The following MDC1 variants were observed in gnomAD, a reference collection of about 807,000 sequenced individuals.
MDC1 encodes the protein mediator of DNA damage checkpoint 1, also known as mediator of DNA damage checkpoint protein 1.
In MDC1, 81 loss-of-function variants were observed where a neutral mutation model predicts 142.5. The observed-to-expected ratio is 0.57, with a 90% CI of 0.47 to 0.68. The LOEUF (loss-of-function observed/expected upper bound fraction) is 0.68, where lower values mean the gene tolerates loss of function less well. MDC1 is among the 30% of genes least tolerant of loss of function. The pLI is 0.00. For synonymous variants in MDC1, 797 were observed against 968.4 expected (o/e 0.82, Z 3.29); for missense variants, 2,119 against 2,547.9 (o/e 0.83, Z 3.62).
rs1775091542 is a variant in MDC1, at chr6:30,712,689, T to C, written c.1253A>G (p.His418Arg). 6.2e-7 allele frequency: 1 copy of C among 1,612,964 alleles called. No individual in the cohort carries two copies. The highest frequency in any genetic ancestry group is 1.7e-5 in the Admixed American group (1 of 60,008). ...EEVSAALTLA[H>R]LKESQPAIWN... Reference sequence around the variant, plus strand: ...TATAGCAGGCTGGCTCTCTTTCAGATGTGCCAAAGTCAGCGCTGCTGAGAC... The same window carrying C: ...TATAGCAGGCTGGCTCTCTTTCAGACGTGCCAAAGTCAGCGCTGCTGAGAC... The change falls in exon 5 of 15, where the codon CAT becomes CGT. Residue 418 changes from histidine to arginine, a missense_variant. By Grantham distance (29) the His-to-Arg change is conservative (BLOSUM62 0). Transcript: ENST00000376406. The surrounding 1 kb of genome is among the most constrained non-coding windows in gnomAD (Gnocchi z 4.7).
At chr6:30,711,585 C>G in intron 6 of MDC1, 81 bp from the exon 7 acceptor site, 2 of 1,601,000 alleles carry the variant, frequency 1.2e-6, no homozygotes, top group Admixed American at 1.7e-5. Context: ...CCTACCCATA[C>G]TAGCCTTTAC....
chr6:30,708,404 G>C, intron 7 of MDC1, 47 bp from the exon 8 acceptor site: 2 of 1,495,886 alleles, frequency 1.3e-6, no homozygotes, highest in Middle Eastern at 1.7e-4. Flanking sequence ...GGAGAGAAAA[G>C]AGGGAGAGGA....
chr6:30,707,024 C>T (rs545835177), intron 9 of MDC1, among the ~76,000 whole-genome samples: 3 of 152,278 alleles, frequency 2.0e-5, no homozygotes, highest in Non-Finnish European at 4.4e-5. Context: ...TCTATGATCT[C>T]TCCTCCATTA....
At position 30,705,553 on chromosome 6, in the gene MDC1, C is replaced by T; in HGVS notation, c.3630G>A (p.Gln1210=). The change falls in exon 10 of 15, where the codon CAG becomes CAA. Residue 1210 remains glutamine (Q), a synonymous_variant. Coordinates refer to ENST00000376406, the MANE Select transcript of MDC1 (RefSeq NM_014641.3). ...ETVVPTALEL[Q]PSTSTDRPVT... is the part of the protein sequence containing the mutation. ...CAGGTCGGTCGGTGGAGGTGGAAGG[C>T]TGGAGCTCAAGGGCTGTGGGCACAA... 1 of 1,605,926 alleles carries T rather than the reference C, an allele frequency of 6.2e-7. No individual in the cohort carries two copies. The highest frequency in any genetic ancestry group is 8.5e-7 in the Non-Finnish European group (1 of 1,176,540).
chr6:30,710,407 G>GT (rs1330493005), intron 7 of MDC1, among the ~76,000 whole-genome samples: 2 of 148,750 alleles, frequency 1.3e-5, no homozygotes, highest in Non-Finnish European at 3.0e-5. Context: ...CTTTTCTTTC[G>GT]TTTTTTTGAG....
chr6:30,707,054 A>G (rs1165545539), intron 9 of MDC1, among the ~76,000 whole-genome samples: 1 of 152,186 alleles, frequency 6.6e-6, no homozygotes, highest in Non-Finnish European at 1.5e-5. Flanking sequence ...CTACCTGGGA[A>G]GCTACCTTTT....
In MDC1 at chr6:30,712,867, T is replaced by C. The variant is rs1339488931; in HGVS notation, c.1075A>G (p.Arg359Gly). 6 of 1,612,956 alleles carry C rather than the reference T, an allele frequency of 3.7e-6. No homozygotes were observed. The highest frequency in any genetic ancestry group is 2.2e-5 in the South Asian group (2 of 91,086). Residue 359 changes from arginine to glycine, a missense_variant, in exon 5 of 15, where the codon AGG (arginine) becomes GGG (glycine). Coordinates refer to ENST00000376406, the MANE Select transcript of MDC1 (RefSeq NM_014641.3). The surrounding 1 kb of genome is among the most constrained non-coding windows in gnomAD (Gnocchi z 4.7). ...KRKIFHGVGT[R>G]GPGAPGLAHL... ...GCCAGGCCTGGTGCTCCAGGACCCC[T>C]TGTACCTACTCCATGGAAGATCTTC...
rs1562106337 is a variant in MDC1 at position 30,707,802 on chromosome 6, C to T, written c.2777G>A (p.Arg926Lys). 1.2e-6 allele frequency: 2 copies of T among 1,613,124 alleles called. No individual in the cohort carries two copies. The highest frequency in any genetic ancestry group is 1.7e-6 in the Non-Finnish European group (2 of 1,180,042). ...TTCTAACTCGGCTGGATCGCACTCT[C>T]TGTTTGCTACTGGTCTCTCTACTTC... ...EREVERPVAN[R>K]ECDPAELEEK... The change falls in exon 8 of 15, where the codon AGA becomes AAA. Residue 926 changes from arginine (R) to lysine (K), a missense_variant. Physicochemically the swap from Arg to Lys is conservative, Grantham distance 26. Transcript: ENST00000376406.
rs776240801 is a variant in MDC1 at position 30,704,199 on chromosome 6, G to T, written c.4984C>A (p.Pro1662Thr). The T allele has an allele frequency of 3.1e-6, 5 of 1,613,714 alleles. No individual in the cohort carries two copies. The highest frequency in any genetic ancestry group is 4.2e-6 in the Non-Finnish European group (5 of 1,179,812). The change falls in exon 10 of 15, where the codon CCT becomes ACT. Residue 1662 changes from proline (P) to threonine (T), a missense_variant. Physicochemically the swap from Pro to Thr is conservative, Grantham distance 38. Transcript: ENST00000376406. ...PVEPAASDLEPFTPTDQSVTP... is the reference protein window; with the variant it reads ...PVEPAASDLETFTPTDQSVTP... ...ACGGACTGGTCTGTGGGGGTAAAAG[G>T]CTCAAGATCAGAGGCTGCTGGTTCA...
chr6:30,705,528 C>T lies in MDC1; in HGVS notation c.3655G>A (p.Val1219Ile). 6.2e-7 allele frequency: 1 copy of T among 1,606,640 alleles called. No homozygotes were observed. The highest frequency in any genetic ancestry group is 1.1e-5 in the South Asian group (1 of 89,610). The change falls in exon 10 of 15, where the codon GTC (valine) becomes ATC (isoleucine). Residue 1219 changes from valine to isoleucine, a missense_variant. Val to Ile is a conservative substitution (Grantham distance 29, BLOSUM62 3). Coordinates refer to ENST00000376406, the MANE Select transcript of MDC1 (RefSeq NM_014641.3). ...LQPSTSTDRP[V>I]TSEPTSQATR... ...GCCTGAGAGGTGGGTTCAGAGGTGA[C>T]AGGTCGGTCGGTGGAGGTGGAAGGC...
Position 30,702,574 on chromosome 6 carries a change from G to T in MDC1, c.6081C>A (p.Pro2027=). ...IISCCGGTYL[P]SMPRSYKPQR... is the part of the protein sequence containing the mutation. Reference sequence around the variant, plus strand: ...ATACCTTATAGGACCGAGGCATGCTGGGTAGGTATGTGCCTCCACAGCAGC... The same window carrying T: ...ATACCTTATAGGACCGAGGCATGCTTGGTAGGTATGTGCCTCCACAGCAGC... Residue 2027 remains proline, a synonymous_variant, in exon 14 of 15, where the codon CCC becomes CCA. Transcript: ENST00000376406. 1 of 1,603,636 alleles carries T rather than the reference G, an allele frequency of 6.2e-7. No individual in the cohort carries two copies. Among genetic ancestry groups the T allele is most frequent in the Non-Finnish European group, 8.5e-7 (1 of 1,175,740 alleles).
In MDC1 at chr6:30,700,533, C is replaced by T; in HGVS notation, c.6202G>A (p.Gly2068Arg). The T allele has an allele frequency of 3.1e-6, 5 of 1,612,946 alleles. No individual in the cohort carries two copies. Among genetic ancestry groups the T allele is most frequent in the Non-Finnish European group, 4.2e-6 (5 of 1,180,004 alleles). ...PLLSPEFLLTGVLKQEAKPEA... is the reference protein window; with the variant it reads ...PLLSPEFLLTRVLKQEAKPEA... ...GGCTTGGCTTCCTGCTTCAGCACTC[C>T]AGTCAGCAGGAACTCAGGCGAGAGG... The change falls in exon 15 of 15, where the codon GGA (glycine) becomes AGA (arginine). Residue 2068 changes from glycine (G) to arginine (R), a missense_variant. Physicochemically the swap from Gly to Arg is moderately radical, Grantham distance 125. Coordinates refer to ENST00000376406, the MANE Select transcript of MDC1 (RefSeq NM_014641.3).
rs760943919 is a variant in MDC1 at position 30,700,436 on chromosome 6, G to T, written c.*29C>A. 4.4e-6 allele frequency: 7 copies of T among 1,595,068 alleles called. No homozygotes were observed. Among genetic ancestry groups the T allele is most frequent in the Non-Finnish European group, 6.0e-6 (7 of 1,166,244 alleles). Reference sequence around the variant, plus strand: ...TCTTCCACATATCTTCTAATTCGTGGTCTGGGAGGGAAAAGGGTAGTGGAG... The same window carrying T: ...TCTTCCACATATCTTCTAATTCGTGTTCTGGGAGGGAAAAGGGTAGTGGAG... On this transcript the variant is annotated 3_prime_UTR_variant, in exon 15 of 15. Transcript: ENST00000376406.
rs1279733392 is a variant in MDC1, at chr6:30,707,986, A to C, written c.2593T>G (p.Leu865Val). ...TCTTGTCTCTGGGTGTCTCTAGCTA[A>C]CAACTGTTTTTGTTCTCTGTCCTGT... is the stretch of plus-strand genomic sequence containing the variant. ...GKQDREQKQLLARDTQRQESD... is the reference protein window; with the variant it reads ...GKQDREQKQLVARDTQRQESD... Residue 865 changes from leucine to valine, a missense_variant, in exon 8 of 15, where the codon TTA becomes GTA. Coordinates refer to ENST00000376406, the MANE Select transcript of MDC1 (RefSeq NM_014641.3). 1.9e-6 allele frequency: 3 copies of C among 1,612,986 alleles called. No individual in the cohort carries two copies. The highest frequency in any genetic ancestry group is 2.5e-6 in the Non-Finnish European group (3 of 1,180,024).
chr6:30,707,419 C>T lies in MDC1; in HGVS notation c.3049G>A (p.Ala1017Thr), dbSNP rs551577509. The T allele has an allele frequency of 9.9e-6, 16 of 1,613,098 alleles. No homozygotes were observed. Among genetic ancestry groups the T allele is most frequent in the Admixed American group, 1.7e-5 (1 of 60,030 alleles). ...TTCTCAGCAGCTCTGATCCTGGAAGCCTTCTCAGCAGGTGGCATCTTGCAA... is the reference window on the plus strand; with the variant it reads ...TTCTCAGCAGCTCTGATCCTGGAAGTCTTCTCAGCAGGTGGCATCTTGCAA... Reference protein sequence around the residue: ...LNCKMPPAEKASRIRAAEKVS... With the variant: ...LNCKMPPAEKTSRIRAAEKVS... The change falls in exon 9 of 15, where the codon GCT becomes ACT. Residue 1017 changes from alanine to threonine, a missense_variant. Ala to Thr is a moderately conservative substitution (Grantham distance 58). Coordinates refer to ENST00000376406, the MANE Select transcript of MDC1 (RefSeq NM_014641.3).
At position 30,714,901 on chromosome 6, in the gene MDC1, C is replaced by T. The variant is rs1043013211; in HGVS notation, c.136+139G>A. 27 of 842,358 alleles carry T rather than the reference C, an allele frequency of 3.2e-5. No homozygotes were observed. The South Asian group carries it at 3.7e-4, about 12-fold the overall frequency. 52.2% of individuals were successfully genotyped at this position (842,358 alleles called of 1,614,324 possible). On this transcript the variant is annotated intron_variant, in intron 2 of 14. Coordinates refer to ENST00000376406, the MANE Select transcript of MDC1 (RefSeq NM_014641.3). ...AGTAGTCTGCAACTATCAACTCAAT[C>T]GGCCCCATCTCTTCCATTCATGAAA... is the stretch of plus-strand genomic sequence containing the variant.
chr6:30,707,856 T>C lies in MDC1; in HGVS notation c.2723A>G (p.Gln908Arg). The change falls in exon 8 of 15, where the codon CAG (glutamine) becomes CGG (arginine). Residue 908 changes from glutamine to arginine, a missense_variant. Transcript: ENST00000376406. ...CTCAAATGCTTTGCTTGGAAGGGTC[T>C]GCTTCTGTACTTGTTTCTCTTGTAT... ...EEIQEKQVQK[Q>R]TLPSKAFERE... 1 of 1,613,166 alleles carries C rather than the reference T, an allele frequency of 6.2e-7. No homozygotes were observed. Among genetic ancestry groups the C allele is most frequent in the Non-Finnish European group, 8.5e-7 (1 of 1,180,052 alleles).
chr6:30,714,323 A>T (rs1199831418), intron 2 of MDC1, 140 bp from the exon 3 acceptor site: 4 of 886,798 alleles, frequency 4.5e-6, no homozygotes, highest in Non-Finnish European at 6.6e-6. Flanking sequence ...ACATCTAGGC[A>T]CTGAAAGAGT....
In MDC1 at chr6:30,707,868, T is replaced by C. The variant is rs1234896147; in HGVS notation, c.2711A>G (p.Gln904Arg). The C allele has an allele frequency of 6.2e-7, 1 of 1,613,120 alleles. No homozygotes were observed. Among genetic ancestry groups the C allele is most frequent in the Non-Finnish European group, 8.5e-7 (1 of 1,180,038 alleles). The change falls in exon 8 of 15, where the codon CAA becomes CGA. Residue 904 changes from glutamine (Q) to arginine (R), a missense_variant. By Grantham distance (43) the Gln-to-Arg change is conservative. Transcript: ENST00000376406. ...GCTTGGAAGGGTCTGCTTCTGTACT[T>C]GTTTCTCTTGTATTTCCTCAGATGT... Reference protein sequence around the residue: ...IETSEEIQEKQVQKQTLPSKA... With the variant: ...IETSEEIQEKRVQKQTLPSKA...
Sources: gnomAD v4.1 joint callset for allele counts (sites outside exome capture counted in the v4.1 genomes callset) on GRCh38, gnomAD v4.1.1 for gene constraint, Gnocchi (gnomAD v3.1) non-coding constraint, MANE v1.5 for transcripts, NCBI Gene and HGNC (gene_info 2026-07-23, HGNC 2026-07-21) for gene names.